Variants in RPH3A observed in about 807,000 individuals in gnomAD.
RPH3A encodes rabphilin-3A.
A neutral mutation model predicts 102.2 loss-of-function variants in RPH3A; 48 were observed. The observed-to-expected ratio is 0.47, with a 90% confidence interval of 0.37 to 0.60. The LOEUF (loss-of-function observed/expected upper bound fraction) is 0.60. Ranked by LOEUF, RPH3A falls within the 20% of genes least tolerant of loss-of-function variation. The probability of loss-of-function intolerance (pLI) is 0.00; values close to 1 mark genes in which losing one functional copy is unlikely to be tolerated. For synonymous variants in RPH3A, 310 were observed against 324.3 expected, an observed-to-expected ratio of 0.96 and a Z score of 0.47; for missense variants, 781 against 910.1, an observed-to-expected ratio of 0.86 and a Z score of 1.83.
chr12:112,655,438 A>T (rs2040004279), intron 1 of RPH3A, among the ~76,000 whole-genome samples: 4 of 152,032 alleles, frequency 2.6e-5, no homozygotes, highest in African/African-American at 9.6e-5. Context: ...GCATTGTAAA[A>T]CCAACTTTTT....
intron 1 of RPH3A, among the ~76,000 whole-genome samples, chr12:112,636,892 G>GT (rs1189486014): frequency 2.0e-5 from 3 of 152,102 alleles, no homozygotes; most frequent in Admixed American, 1.3e-4. Flanking sequence ...TTAAAAATCT[G>GT]TATAGAGCTT....
intron 1 of RPH3A, among the ~76,000 whole-genome samples, chr12:112,709,572 C>A (rs2040446311): frequency 6.6e-6 from 1 of 151,130 alleles, no homozygotes; most frequent in East Asian, 1.9e-4. Context: ...AAAAATTACT[C>A]TCGTGTCAGG....
intron 17 of RPH3A, among the ~76,000 whole-genome samples, chr12:112,889,392 C>T (rs1018329278): frequency 3.9e-5 from 6 of 152,226 alleles, no homozygotes; most frequent in South Asian, 2.1e-4. Flanking sequence ...GTGCAGGACA[C>T]CCAGAGGGCT....
chr12:112,683,182 C>T (rs535976336), intron 1 of RPH3A, among the ~76,000 whole-genome samples: 32 of 152,156 alleles, frequency 2.1e-4, no homozygotes, highest in African/African-American at 6.7e-4. Flanking sequence ...GGGGTGGTTA[C>T]GGGCCGAACT....
Position 112,640,325 on chromosome 12 carries a change from C to CAAAAAAAAAAAAAAAAAAAAAAAAAAAA in RPH3A, c.-140+65020_-140+65047dup, listed in dbSNP as rs1158230534. 1.4e-4 allele frequency among the ~76,000 whole-genome samples: 2 copies of CAAAAAAAAAAAAAAAAAAAAAAAAAAAA among 14,078 alleles called. 1 individual carries two copies. The highest frequency in any genetic ancestry group is 5.6e-4 in the Non-Finnish European group (2 of 3,598). 9.2% of individuals were successfully genotyped at this position (14,078 alleles called of 152,430 possible). On this transcript the variant is annotated intron_variant, in intron 1 of 21. Transcript: ENST00000543106. ...GGTCAACAAGAGCAAAACTCCATCT[C>CAAAAAAAAAAAAAAAAAAAAAAAAAAAA]AAAAAAAAAAAAAAAAAAAAAAAAA...
chr12:112,753,226 C>T (rs1202663146), intron 1 of RPH3A, among the ~76,000 whole-genome samples: 1 of 152,176 alleles, frequency 6.6e-6, no homozygotes, highest in African/African-American at 2.4e-5. Flanking sequence ...TCAACCCCTC[C>T]CAAAGGTGAG....
At chr12:112,693,959 T>TTGAAGGCCAGGAG (rs2040326793) in intron 1 of RPH3A, among the ~76,000 whole-genome samples, 1 of 152,354 alleles carries the variant, frequency 6.6e-6, no homozygotes, top group African/African-American at 2.4e-5. Flanking sequence ...TATTTGCTGA[T>TTGAAGGCCAGGAG]TGAAGGCCAG....
chr12:112,830,237 T>C (rs1441395473), intron 3 of RPH3A, among the ~76,000 whole-genome samples: 1 of 152,180 alleles, frequency 6.6e-6, no homozygotes, highest in Non-Finnish European at 1.5e-5. Context: ...TTTCATTGTT[T>C]CTCATTTCTA....
intron 1 of RPH3A, among the ~76,000 whole-genome samples, chr12:112,685,103 A>G (rs898797634): frequency 2.6e-5 from 4 of 152,044 alleles, no homozygotes; most frequent in African/African-American, 4.8e-5. Context: ...TGCCTGGTTA[A>G]TTCTTTAATT....
At chr12:112,584,157 A>G (rs1332835031) in intron 1 of RPH3A, among the ~76,000 whole-genome samples, 1 of 152,166 alleles carries the variant, frequency 6.6e-6, no homozygotes, top group African/African-American at 2.4e-5. Context: ...GTATCACAAA[A>G]ACTATCAGGC....
At chr12:112,876,581 A>G (rs1190376542) in intron 12 of RPH3A, 61 bp from the exon 13 acceptor site, 2 of 1,189,604 alleles carry the variant, frequency 1.7e-6, no homozygotes, top group Admixed American at 2.6e-5. Flanking sequence ...AAATGTCCCT[A>G]GGTGCTGCTG....
rs868723248 is a variant in RPH3A at position 112,875,633 on chromosome 12, G to A, written c.884-46G>A. On this transcript the variant is annotated intron_variant, in intron 11 of 21. Coordinates refer to ENST00000389385, the MANE Select transcript of RPH3A (RefSeq NM_001143854.2). The stretch of plus-strand genomic sequence containing the variant: ...AGGAAAAGGTGAACCCCCAAATGAT[G>A]CCACCCTCTCTGCTGCATCTCTGTT... 2.6e-5 allele frequency: 40 copies of A among 1,526,896 alleles called. 2 individuals carry two copies. In the Middle Eastern group the frequency reaches 6.8e-3, roughly 260 times the overall value. 94.6% of individuals were successfully genotyped at this position (1,526,896 alleles called of 1,614,324 possible).
chr12:112,691,859 C>T (rs947279878), intron 1 of RPH3A, among the ~76,000 whole-genome samples: 1 of 152,154 alleles, frequency 6.6e-6, no homozygotes, highest in African/African-American at 2.4e-5. Context: ...TGCTGGACAC[C>T]ATCATTCCAT....
chr12:112,581,967 C>T (rs1407735213), intron 1 of RPH3A, among the ~76,000 whole-genome samples: 2 of 147,650 alleles, frequency 1.4e-5, no homozygotes, highest in Non-Finnish European at 3.0e-5. Context: ...ACACACCTAC[C>T]AACAAATGTT....
intron 1 of RPH3A, among the ~76,000 whole-genome samples, chr12:112,784,826 G>A (rs2041034436): frequency 1.3e-5 from 2 of 152,334 alleles, no homozygotes; most frequent in South Asian, 4.1e-4. Context: ...TTCAGATTCT[G>A]GAGAGGACTT....
At chr12:112,766,349 T>C (rs1051399306) in intron 1 of RPH3A, among the ~76,000 whole-genome samples, 6 of 152,230 alleles carry the variant, frequency 3.9e-5, no homozygotes, top group African/African-American at 1.4e-4. Flanking sequence ...TATAACTGCC[T>C]GGTACATAGG....
At chr12:112,884,781 G>A (rs1024729382) in intron 16 of RPH3A, among the ~76,000 whole-genome samples, 1 of 152,164 alleles carries the variant, frequency 6.6e-6, no homozygotes, top group African/African-American at 2.4e-5. Flanking sequence ...ACATATAAAT[G>A]CACAGATTGA....
chr12:112,878,593 AAT>A (rs1436911987), intron 13 of RPH3A, among the ~76,000 whole-genome samples: 21 of 152,338 alleles, frequency 1.4e-4, no homozygotes, highest in African/African-American at 4.8e-4. Context: ...CCATAAAAGA[AAT>A]AAAATACATT....
chr12:112,624,068 A>G (rs1250977533), intron 1 of RPH3A, among the ~76,000 whole-genome samples: 3 of 149,782 alleles, frequency 2.0e-5, no homozygotes, highest in African/African-American at 7.5e-5. Flanking sequence ...CAGTGTGTAG[A>G]GGGAAATTTA....
Sources: allele counts gnomAD v4.1 joint callset (sites outside exome capture counted in the v4.1 genomes callset), GRCh38; gene constraint gnomAD v4.1.1; transcripts MANE v1.5; gene names NCBI Gene and HGNC (gene_info 2026-07-23, HGNC 2026-07-21).